AGO3: variants seen among roughly 807,000 people sequenced by gnomAD.
The protein encoded by AGO3 is protein argonaute-3.
A neutral mutation model predicts 105.5 loss-of-function variants in AGO3; 16 were observed. That is an observed-to-expected ratio of 0.15 (90% CI 0.10 to 0.23). AGO3 has a LOEUF of 0.23. Ranked by LOEUF, AGO3 falls within the 10% of genes least tolerant of loss-of-function variation. AGO3 has a pLI of 1.00. For synonymous variants in AGO3, 340 were observed against 367.3 expected, an observed-to-expected ratio of 0.93 and a Z score of 0.85; for missense variants, 534 against 1,088.0, an observed-to-expected ratio of 0.49 and a Z score of 7.16.
intron 5 of AGO3, among the ~76,000 whole-genome samples, chr1:35,990,359 T>C (rs1308777560): frequency 1.3e-5 from 2 of 152,086 alleles, no homozygotes; most frequent in East Asian, 3.9e-4. Context: ...ATACAAAAAA[T>C]TAGCTGGGCG....
At chr1:35,979,712 CCTTTATATAAGTGA>C (rs1400149208) in intron 5 of AGO3, among the ~76,000 whole-genome samples, 6 of 152,158 alleles carry the variant, frequency 3.9e-5, no homozygotes, top group Admixed American at 3.9e-4. Context: ...TGAATTATAA[CCTTTATATAAGTGA>C]CTTTCTTTTT....
chr1:35,988,887 A>G (rs899217332), intron 5 of AGO3, among the ~76,000 whole-genome samples: 2 of 152,202 alleles, frequency 1.3e-5, no homozygotes, highest in Middle Eastern at 3.2e-3. Flanking sequence ...ACAAGGGTTT[A>G]TTAATTGCCA....
chr1:35,941,836 T>A (rs1026868415), intron 1 of AGO3, among the ~76,000 whole-genome samples: 3 of 152,158 alleles, frequency 2.0e-5, no homozygotes, highest in Non-Finnish European at 4.4e-5. Context: ...CTACCAGAAA[T>A]ACAAAAACTT....
At chr1:35,975,702 G>A (rs982598161) in intron 5 of AGO3, among the ~76,000 whole-genome samples, 4 of 152,010 alleles carry the variant, frequency 2.6e-5, no homozygotes, top group Non-Finnish European at 4.4e-5. Context: ...CCATTCTTAT[G>A]TATAAGCTTT....
chr1:35,998,993 C>T (rs561755968), intron 5 of AGO3, among the ~76,000 whole-genome samples: 1 of 152,134 alleles, frequency 6.6e-6, no homozygotes, highest in African/African-American at 2.4e-5. Context: ...TGTGTCTAGC[C>T]CCACAGTCTC....
chr1:36,015,107 T>C (rs962040922), intron 11 of AGO3, among the ~76,000 whole-genome samples: 2 of 152,190 alleles, frequency 1.3e-5, no homozygotes, highest in African/African-American at 4.8e-5. Flanking sequence ...GGCTGCACTC[T>C]GCTTCAGATG....
intron 12 of AGO3, among the ~76,000 whole-genome samples, chr1:36,031,101 A>C (rs1468307611): frequency 6.6e-6 from 1 of 152,216 alleles, no homozygotes; most frequent in African/African-American, 2.4e-5. Flanking sequence ...CTCAATTAAG[A>C]ATATGAAAAT....
intron 6 of AGO3, 57 bp downstream of exon 6, chr1:36,004,532 T>A (rs1640250959): frequency 7.0e-7 from 1 of 1,421,690 alleles, no homozygotes; most frequent in South Asian, 1.6e-5. Context: ...TATAACAACC[T>A]TTTATTAAAA....
Position 36,066,364 on chromosome 1 carries a change from C to G in AGO3, c.*10619C>G, listed in dbSNP as rs984415641. 3 of 152,112 alleles carry G rather than the reference C, an allele frequency of 2.0e-5. No individual in the cohort carries two copies. Among genetic ancestry groups the G allele is most frequent in the African/African-American group, 7.2e-5 (3 of 41,392 alleles). The allele number at this position is 152,112 out of a possible 1,614,324, so 9.4% of individuals were successfully genotyped here. A position where few individuals can be genotyped will look rare whatever the true frequency, so the allele number is the denominator to read the frequency against. ...TTACCTGAGGTCAGGAGTTCGAGAC[C>G]AGCCTGGACAACATGGCAAAACCCG... On this transcript the variant is annotated 3_prime_UTR_variant, in exon 19 of 19. Coordinates refer to ENST00000373191, the MANE Select transcript of AGO3 (RefSeq NM_024852.4).
chr1:36,057,128 T>C lies in AGO3; in HGVS notation c.*1383T>C, dbSNP rs1201389827. 6.6e-6 allele frequency: 1 copy of C among 152,228 alleles called. No individual in the cohort carries two copies. Among genetic ancestry groups the C allele is most frequent in the African/African-American group, 2.4e-5 (1 of 41,470 alleles). 9.4% of individuals were successfully genotyped at this position (152,228 alleles called of 1,614,324 possible). A position where few individuals can be genotyped will look rare whatever the true frequency, so the allele number is the denominator to read the frequency against. On this transcript the variant is annotated 3_prime_UTR_variant, in exon 19 of 19. Transcript: ENST00000373191. ...GTAACTTTCTCTCTGGTAAGTGATGTGTATTCTGAAGCCTTCTGTTTCTAT... is the reference window on the plus strand; with the variant it reads ...GTAACTTTCTCTCTGGTAAGTGATGCGTATTCTGAAGCCTTCTGTTTCTAT...
Position 36,039,911 on chromosome 1 carries a change from A to T in AGO3, c.1964A>T (p.Tyr655Phe). The change falls in exon 15 of 19, where the codon TAT becomes TTT. Residue 655 changes from tyrosine (Y) to phenylalanine (F), a missense_variant. Physicochemically the swap from Tyr to Phe is conservative, Grantham distance 22 (BLOSUM62 3). Transcript: ENST00000373191. ...SMVRELLIQF[Y>F]KSTRFKPTRI... ...GTCCGGGAACTTCTTATTCAATTTT[A>T]TAAGTCAACTCGGTTCAAGCCTACT... The T allele has an allele frequency of 1.2e-6, 2 of 1,614,098 alleles. No homozygotes were observed. Among genetic ancestry groups the T allele is most frequent in the Non-Finnish European group, 1.7e-6 (2 of 1,180,024 alleles).
At chr1:35,963,223 A>G (rs746162077) in intron 2 of AGO3, among the ~76,000 whole-genome samples, 2 of 152,204 alleles carry the variant, frequency 1.3e-5, no homozygotes, top group South Asian at 2.1e-4. Flanking sequence ...GGGTGTTGCA[A>G]TTAAAGATAC....
chr1:35,989,048 T>C (rs1289965491), intron 5 of AGO3, among the ~76,000 whole-genome samples: 1 of 152,220 alleles, frequency 6.6e-6, no homozygotes, highest in Non-Finnish European at 1.5e-5. Flanking sequence ...TGAAATCAGC[T>C]GGAGAAGACT....
chr1:36,000,830 A>G (rs1640049079), intron 5 of AGO3, among the ~76,000 whole-genome samples: 1 of 151,748 alleles, frequency 6.6e-6, no homozygotes, highest in South Asian at 2.1e-4. Context: ...ATACTGTTAC[A>G]ATCTTAACAG....
At position 35,981,297 on chromosome 1, in the gene AGO3, C is replaced by T. The variant is rs534537686; in HGVS notation, c.658+7786C>T. Among the ~76,000 whole-genome samples the T allele has an allele frequency of 7.2e-5, 11 of 152,208 alleles. No individual in the cohort carries two copies. The East Asian group carries it at 1.9e-3, about 27-fold the overall frequency. On this transcript the variant is annotated intron_variant, in intron 5 of 18. Coordinates refer to ENST00000373191, the MANE Select transcript of AGO3 (RefSeq NM_024852.4). The stretch of plus-strand genomic sequence containing the variant: ...ATTGGCATGAGATGAGTTTCCCAAA[C>T]CATCTGTTAGAAGGGACTTAAGGGT...
Position 36,055,380 on chromosome 1 carries a change from G to A in AGO3, c.2474+235G>A. ...CAAAGGAGAGATTATTGGTAATAAA[G>A]TGATACATTCAGACAGATAGACAAA... On this transcript the variant is annotated intron_variant, in intron 18 of 18. Transcript: ENST00000373191. The surrounding 1 kb of genome is among the most constrained non-coding windows in gnomAD (Gnocchi z 4.4). 1.6e-6 allele frequency: 1 copy of A among 611,260 alleles called. No individual in the cohort carries two copies. Among genetic ancestry groups the A allele is most frequent in the South Asian group, 2.0e-5 (1 of 49,752 alleles). The allele number at this position is 611,260 out of a possible 1,614,324, so 37.9% of individuals were successfully genotyped here. A position where few individuals can be genotyped will look rare whatever the true frequency, so the allele number is the denominator to read the frequency against.
chr1:36,019,152 A>G (rs982127634), intron 11 of AGO3, among the ~76,000 whole-genome samples: 1 of 152,144 alleles, frequency 6.6e-6, no homozygotes, highest in Non-Finnish European at 1.5e-5. Flanking sequence ...GTCCTGAGTC[A>G]GTGGTCCATG....
At chr1:36,026,160 G>A (rs1397673240) in intron 11 of AGO3, among the ~76,000 whole-genome samples, 1 of 152,128 alleles carries the variant, frequency 6.6e-6, no homozygotes, top group Admixed American at 6.6e-5. Flanking sequence ...CTAGGCTGGA[G>A]TGCAGTGGCA....
chr1:35,990,968 T>C (rs1249193446), intron 5 of AGO3, among the ~76,000 whole-genome samples: 1 of 152,136 alleles, frequency 6.6e-6, no homozygotes, highest in Non-Finnish European at 1.5e-5. Flanking sequence ...ACTAAAGATA[T>C]CTGGATCAGG....
Sources: gnomAD v4.1 joint callset for allele counts (sites outside exome capture counted in the v4.1 genomes callset) on GRCh38, gnomAD v4.1.1 for gene constraint, Gnocchi (gnomAD v3.1) non-coding constraint, MANE v1.5 for transcripts, NCBI Gene and HGNC (gene_info 2026-07-23, HGNC 2026-07-21) for gene names.